Variants in DIS3L2 observed in about 807,000 individuals in gnomAD.
DIS3L2 encodes DIS3 like 3'-5' exoribonuclease 2, also known as DIS3-like exonuclease 2.
A neutral mutation model predicts 97.5 loss-of-function variants in DIS3L2; 34 were observed. That is an observed-to-expected ratio of 0.35 (90% CI 0.27 to 0.46). DIS3L2 has a LOEUF of 0.46. Ranked by LOEUF, DIS3L2 falls within the 20% of genes least tolerant of loss-of-function variation. The pLI, the probability that DIS3L2 is intolerant of heterozygous loss-of-function variation, is 1.00. For missense variants in DIS3L2, 1,038 were observed against 1,146.0 expected (o/e 0.91, Z 1.36); for synonymous variants, 435 against 445.2 (o/e 0.98, Z 0.29).
chr2:232,035,586 C>T (rs1694928983), intron 5 of DIS3L2, among the ~76,000 whole-genome samples: 1 of 152,200 alleles, frequency 6.6e-6, no homozygotes, highest in African/African-American at 2.4e-5. Flanking sequence ...GCAGTTTCTT[C>T]ATAGTGTCAA....
intron 8 of DIS3L2, among the ~76,000 whole-genome samples, chr2:232,157,623 T>G (rs1452508974): frequency 1.3e-5 from 2 of 152,190 alleles, no homozygotes; most frequent in Admixed American, 1.3e-4. Context: ...TAAGTGTCTC[T>G]TTTAGTGGAG....
chr2:232,122,033 C>T (rs2106342190), intron 6 of DIS3L2, among the ~76,000 whole-genome samples: 1 of 152,180 alleles, frequency 6.6e-6, no homozygotes, highest in African/African-American at 2.4e-5. Flanking sequence ...GTCTAAGCTT[C>T]CCAATACTTT....
chr2:231,992,170 G>T (rs1029726741), intron 1 of DIS3L2, among the ~76,000 whole-genome samples: 1 of 152,152 alleles, frequency 6.6e-6, no homozygotes, highest in Non-Finnish European at 1.5e-5. Flanking sequence ...ACCCACTTGG[G>T]ATTGTGGAGA....
chr2:232,185,088 G>A (rs1169535111), intron 9 of DIS3L2, among the ~76,000 whole-genome samples: 1 of 152,186 alleles, frequency 6.6e-6, no homozygotes, highest in Non-Finnish European at 1.5e-5. Flanking sequence ...TTCTCATCAA[G>A]AGCAAGGACT....
At chr2:232,062,314 G>A (rs940152282) in intron 5 of DIS3L2, among the ~76,000 whole-genome samples, 3 of 152,138 alleles carry the variant, frequency 2.0e-5, no homozygotes, top group African/African-American at 7.2e-5. Context: ...GTGATAGTAG[G>A]CCTCTTGAAG....
intron 6 of DIS3L2, among the ~76,000 whole-genome samples, chr2:232,092,000 G>T (rs749040385): frequency 6.6e-6 from 1 of 152,148 alleles, no homozygotes; most frequent in Non-Finnish European, 1.5e-5. Context: ...TTTCTCCAAT[G>T]TTTTCTTTCT....
intron 10 of DIS3L2, among the ~76,000 whole-genome samples, chr2:232,235,227 A>C (rs1692900733): frequency 6.6e-6 from 1 of 152,260 alleles, no homozygotes; most frequent in Non-Finnish European, 1.5e-5. Flanking sequence ...AAAGTTTTAA[A>C]TTTAAAAATA....
At chr2:232,045,449 CT>C (rs1444644683) in intron 5 of DIS3L2, among the ~76,000 whole-genome samples, 2 of 152,084 alleles carry the variant, frequency 1.3e-5, no homozygotes, top group African/African-American at 2.4e-5. Flanking sequence ...CATTTATTTT[CT>C]CATAGTTCTG....
intron 5 of DIS3L2, among the ~76,000 whole-genome samples, chr2:232,038,628 C>T (rs2106249787): frequency 6.6e-6 from 1 of 152,268 alleles, no homozygotes; most frequent in East Asian, 1.9e-4. Context: ...TTTCTCACCC[C>T]CTTTATTGAT....
At chr2:232,130,895 C>A in intron 7 of DIS3L2, 176 bp downstream of exon 7, 1 of 929,872 alleles carries the variant, frequency 1.1e-6, no homozygotes, top group Non-Finnish European at 1.5e-6. Context: ...AATACGAATC[C>A]ATCTTCCTGC....
At chr2:232,271,505 T>C (rs540384901) in intron 13 of DIS3L2, among the ~76,000 whole-genome samples, 1 of 152,364 alleles carries the variant, frequency 6.6e-6, no homozygotes, top group East Asian at 1.9e-4. Context: ...AAGGCTTCCA[T>C]TTAAACATTG....
intron 5 of DIS3L2, among the ~76,000 whole-genome samples, chr2:232,084,039 C>T (rs1696497135): frequency 6.6e-6 from 1 of 152,154 alleles, no homozygotes; most frequent in Non-Finnish European, 1.5e-5. Context: ...TGAGGATGGT[C>T]AGGGGCAGAT....
intron 19 of DIS3L2, 162 bp from the exon 20 acceptor site, chr2:232,335,611 G>A (rs1695917920): frequency 1.4e-6 from 1 of 726,208 alleles, no homozygotes; most frequent in South Asian, 1.8e-5. Flanking sequence ...TGCCTCAGCT[G>A]AAGGTGGCCT....
intron 6 of DIS3L2, among the ~76,000 whole-genome samples, chr2:232,121,097 G>A (rs879771267): frequency 1.3e-5 from 2 of 152,090 alleles, no homozygotes; most frequent in Admixed American, 1.3e-4. Context: ...GACTTCCTGA[G>A]CTTCTTCCAC....
chr2:232,339,171 C>A (rs1426351546), downstream of DIS3L2, among the ~76,000 whole-genome samples: 1 of 152,228 alleles, frequency 6.6e-6, no homozygotes, highest in Non-Finnish European at 1.5e-5. Flanking sequence ...TCCCCAGTTC[C>A]TGTTAGGAAG....
intron 5 of DIS3L2, among the ~76,000 whole-genome samples, chr2:232,058,596 A>G (rs1210731309): frequency 6.6e-6 from 1 of 152,090 alleles, no homozygotes; most frequent in Non-Finnish European, 1.5e-5. Context: ...CTTTGTTTTG[A>G]GTTTCTGTTT....
chr2:232,053,264 A>G (rs536255696), intron 5 of DIS3L2, among the ~76,000 whole-genome samples: 1 of 152,368 alleles, frequency 6.6e-6, no homozygotes, highest in South Asian at 2.1e-4. Flanking sequence ...AATTTAGAAA[A>G]TATGTTGGTG....
chr2:232,142,985 G>A (rs1284552064), intron 8 of DIS3L2, among the ~76,000 whole-genome samples: 1 of 152,194 alleles, frequency 6.6e-6, no homozygotes, highest in Non-Finnish European at 1.5e-5. Flanking sequence ...TAATACGATA[G>A]TGGTAATCAC....
At chr2:232,039,919 C>T (rs1695062853) in intron 5 of DIS3L2, among the ~76,000 whole-genome samples, 1 of 152,170 alleles carries the variant, frequency 6.6e-6, no homozygotes, top group South Asian at 2.1e-4. Flanking sequence ...TCAAGGTACC[C>T]AGTGGCTTCT....
Sources: allele counts gnomAD v4.1 joint callset (sites outside exome capture counted in the v4.1 genomes callset), GRCh38; gene constraint gnomAD v4.1.1; transcripts MANE v1.5; gene names NCBI Gene and HGNC (gene_info 2026-07-23, HGNC 2026-07-21).